Variants in SERPINB8 observed in about 807,000 individuals in gnomAD.
SERPINB8 encodes serpin B8.
In SERPINB8, 25 loss-of-function variants were observed where a neutral mutation model predicts 35.3. That is an observed-to-expected ratio of 0.71 (90% CI 0.52 to 0.99). The LOEUF is 0.99. Ranked by LOEUF, SERPINB8 falls within the 50% of genes least tolerant of loss-of-function variation. The probability of loss-of-function intolerance (pLI) is 0.00; values close to 1 mark genes in which losing one functional copy is unlikely to be tolerated. For synonymous variants in SERPINB8, 186 were observed against 160.8 expected (o/e 1.16, Z -1.19); for missense variants, 484 against 446.5 (o/e 1.08, Z -0.76).
At chr18:63,991,844 C>T (rs574985984), downstream of SERPINB8, among the ~76,000 whole-genome samples, 3 of 152,102 alleles carry the variant, frequency 2.0e-5, no homozygotes, top group East Asian at 3.9e-4. Flanking sequence ...CTCTTTTATT[C>T]GTAGTTTGTT....
At chr18:63,970,965 C>T (rs2050466327) in intron 1 of SERPINB8, among the ~76,000 whole-genome samples, 1 of 152,290 alleles carries the variant, frequency 6.6e-6, no homozygotes, top group South Asian at 2.1e-4. Flanking sequence ...CACTCTCAGT[C>T]CTCTGGCTGC....
downstream of SERPINB8, among the ~76,000 whole-genome samples, chr18:63,994,149 C>T (rs572522798): frequency 1.3e-5 from 2 of 152,176 alleles, no homozygotes; most frequent in South Asian, 2.1e-4. Context: ...AATTCTCCCA[C>T]CTCTGCTGCT....
At chr18:63,986,670 T>G (rs2050759771) in intron 6 of SERPINB8, 2 of 1,376,250 alleles carry the variant, frequency 1.5e-6, no homozygotes, top group Non-Finnish European at 1.9e-6. Context: ...TACTAGCTCT[T>G]TTACACTTGT....
At chr18:64,017,053 G>C (rs528254254) in intron 7 of SERPINB8, among the ~76,000 whole-genome samples, 1 of 152,106 alleles carries the variant, frequency 6.6e-6, no homozygotes, top group East Asian at 1.9e-4. Flanking sequence ...TCTTCCCAAG[G>C]CCTAACTAGC....
exon 2 of SERPINB8, chr18:64,005,006 G>T (rs2050893232): frequency 2.5e-6 from 1 of 395,410 alleles, no homozygotes; most frequent in Non-Finnish European, 4.5e-6. Context: ...GAGGATGTGT[G>T]ATAACTAATT....
At chr18:63,996,314 A>G (rs1310226849) in intron 1 of SERPINB8, among the ~76,000 whole-genome samples, 1 of 152,132 alleles carries the variant, frequency 6.6e-6, no homozygotes, top group African/African-American at 2.4e-5. Context: ...GTACCTGGTG[A>G]TCCTCTGTCT....
In SERPINB8 at chr18:63,987,599, T is replaced by TATGTGC; in HGVS notation, c.*321_*322insATGTGC. On this transcript the variant is annotated 3_prime_UTR_variant, in exon 7 of 7. Transcript: ENST00000397985. Reference sequence around the variant, plus strand: ...CTCAGGGCTTCAGGAGCCAGCCCTCTTCCATCCGCCCGGCTCTGCCCACCA... The same window carrying TATGTGC: ...CTCAGGGCTTCAGGAGCCAGCCCTCTATGTGCTCCATCCGCCCGGCTCTGCCCACCA... 3 of 270,382 alleles carry TATGTGC rather than the reference T, an allele frequency of 1.1e-5. No individual in the cohort carries two copies. Among genetic ancestry groups the TATGTGC allele is most frequent in the Non-Finnish European group, 1.4e-5 (2 of 142,684 alleles). 16.7% of individuals were successfully genotyped at this position (270,382 alleles called of 1,614,324 possible).
chr18:64,016,913 T>C (rs1174381647), intron 7 of SERPINB8, among the ~76,000 whole-genome samples: 1 of 152,216 alleles, frequency 6.6e-6, no homozygotes, highest in East Asian at 1.9e-4. Flanking sequence ...CACTTCCTTC[T>C]AGATTTGTAG....
rs1404015632 is a variant in SERPINB8, at chr18:64,017,483, T to C, written c.*3-1427T>C. 2.0e-5 allele frequency among the ~76,000 whole-genome samples: 3 copies of C among 152,236 alleles called. No homozygotes were observed. The East Asian group carries it at 5.8e-4, about 29-fold the overall frequency. ...GATTGACTTGATGATGATGATGAAG[T>C]TAACAAAAAGAAGCACAATTTTTCA... On this transcript the variant is annotated intron_variant, in intron 7 of 7. Coordinates refer to the SERPINB8 transcript ENST00000636430.
intron 1 of SERPINB8, among the ~76,000 whole-genome samples, chr18:63,976,605 CTAAA>C (rs1273895850): frequency 1.3e-5 from 2 of 152,154 alleles, no homozygotes; most frequent in African/African-American, 2.4e-5. Flanking sequence ...GACAAGTTCT[CTAAA>C]TAAAATGCTT....
downstream of SERPINB8, among the ~76,000 whole-genome samples, chr18:63,992,784 A>C (rs954576400): frequency 6.6e-6 from 1 of 151,210 alleles, no homozygotes; most frequent in Non-Finnish European, 1.5e-5. Flanking sequence ...TCTAGTAGGC[A>C]AGGGCCCTAA....
chr18:63,992,664 G>A (rs2050830208), downstream of SERPINB8, among the ~76,000 whole-genome samples: 1 of 151,820 alleles, frequency 6.6e-6, no homozygotes. Flanking sequence ...TTCACTTTTT[G>A]ATGTAACCGA....
Position 63,987,318 on chromosome 18 carries a change from C to T in SERPINB8, c.*40C>T. 5 of 1,554,708 alleles carry T rather than the reference C, an allele frequency of 3.2e-6. No homozygotes were observed. Among genetic ancestry groups the T allele is most frequent in the Non-Finnish European group, 4.3e-6 (5 of 1,150,472 alleles). ...TGTACATACCCTCCTTTCCTTCTAC[C>T]TATCTTGCCTTAATTAACATTCCCT... is the stretch of plus-strand genomic sequence containing the variant. On this transcript the variant is annotated 3_prime_UTR_variant, in exon 7 of 7. Transcript: ENST00000397985.
rs552149496 is a variant in SERPINB8, at chr18:63,986,978, G to C, written c.825G>C (p.Glu275Asp). The C allele has an allele frequency of 6.2e-7, 1 of 1,614,228 alleles. No homozygotes were observed. The highest frequency in any genetic ancestry group is 2.2e-5 in the East Asian group (1 of 44,886). The change falls in exon 7 of 7, where the codon GAG becomes GAC. Residue 275 changes from glutamate to aspartate, a missense_variant. Transcript: ENST00000397985. Reference protein sequence around the residue: ...QVFLPRLKLEESYDLEPFLRR... With the variant: ...QVFLPRLKLEDSYDLEPFLRR... ...TCCTTCCCAGATTAAAGCTGGAGGA[G>C]AGTTATGACTTGGAGCCTTTCCTTC... is the stretch of plus-strand genomic sequence containing the variant.
exon 2 of SERPINB8, chr18:64,005,134 A>T (rs113205095): frequency 1.3e-5 from 4 of 316,230 alleles, no homozygotes; most frequent in Non-Finnish European, 2.3e-5. Context: ...CAAGACATTC[A>T]TATGAAATGC....
intron 6 of SERPINB8, 56 bp from the exon 7 acceptor site, chr18:63,986,818 G>A: frequency 6.7e-7 from 1 of 1,499,144 alleles, no homozygotes; most frequent in East Asian, 2.3e-5. Flanking sequence ...AAATGGGTGT[G>A]TGGGTATCAG....
rs1387764423 is a variant in SERPINB8 at position 63,972,484 on chromosome 18, G to A, written c.-11+2314G>A. Reference sequence around the variant, plus strand: ...CATTCTGTTTTTGATGGACATTTGGGTTGTTTCTTTTTTATTATTATACTT... The same window carrying A: ...CATTCTGTTTTTGATGGACATTTGGATTGTTTCTTTTTTATTATTATACTT... On this transcript the variant is annotated intron_variant, in intron 1 of 6. Coordinates refer to ENST00000397985, the MANE Select transcript of SERPINB8 (RefSeq NM_002640.4). 3.3e-5 allele frequency among the ~76,000 whole-genome samples: 5 copies of A among 152,034 alleles called. No homozygotes were observed. The East Asian group carries it at 9.6e-4, about 29-fold the overall frequency.
At chr18:63,982,178 A>C (rs770069694) in intron 4 of SERPINB8, among the ~76,000 whole-genome samples, 5 of 152,184 alleles carry the variant, frequency 3.3e-5, no homozygotes, top group Non-Finnish European at 7.3e-5. Context: ...GTTGCGGCTT[A>C]GAGAGGGCAA....
chr18:63,986,545 G>T (rs1181051862), intron 6 of SERPINB8: 48 of 1,327,250 alleles, frequency 3.6e-5, no homozygotes, highest in Non-Finnish European at 4.3e-5. Flanking sequence ...ATTGCATGAA[G>T]ATTAATGTAA....
Sources: allele counts gnomAD v4.1 joint callset (sites outside exome capture counted in the v4.1 genomes callset), GRCh38; gene constraint gnomAD v4.1.1; transcripts MANE v1.5; gene names NCBI Gene and HGNC (gene_info 2026-07-23, HGNC 2026-07-21).